Variants in PCLO observed in about 807,000 individuals in gnomAD.
PCLO encodes the protein piccolo presynaptic cytomatrix protein.
A neutral mutation model predicts 427.5 loss-of-function variants in PCLO; 82 were observed. The observed-to-expected ratio is 0.19, with a 90% confidence interval of 0.16 to 0.23. The LOEUF (loss-of-function observed/expected upper bound fraction) is 0.23, where lower values mean the gene tolerates loss of function less well. Ranked by LOEUF, PCLO falls within the 10% of genes least tolerant of loss-of-function variation. The pLI is 1.00. For missense variants in PCLO, 6,239 were observed against 6,115.9 expected, an observed-to-expected ratio of 1.02 and a Z score of -0.67; for synonymous variants, 2,357 against 2,155.4, an observed-to-expected ratio of 1.09 and a Z score of -2.59.
intron 3 of PCLO, among the ~76,000 whole-genome samples, chr7:83,127,094 C>G (rs1057042731): frequency 4.6e-5 from 7 of 151,888 alleles, no homozygotes; most frequent in Non-Finnish European, 8.8e-5. Context: ...TATAAAGTAA[C>G]AAGAGCTAGA....
At chr7:82,760,910 T>C (rs1790417478) in intron 23 of PCLO, 126 bp from the exon 24 acceptor site, 2 of 480,550 alleles carry the variant, frequency 4.2e-6, no homozygotes, top group Non-Finnish European at 7.4e-6. Flanking sequence ...AAACGATTTG[T>C]TTCAGATAAC....
chr7:82,974,257 G>A (rs917839186), intron 3 of PCLO, among the ~76,000 whole-genome samples: 1 of 152,124 alleles, frequency 6.6e-6, no homozygotes, highest in Admixed American at 6.5e-5. Context: ...GTGGTGATGG[G>A]CACCTGTAAT....
chr7:82,890,896 C>T (rs1793747175), intron 9 of PCLO, among the ~76,000 whole-genome samples: 1 of 151,856 alleles, frequency 6.6e-6, no homozygotes, highest in African/African-American at 2.4e-5. Context: ...CCTGTAAGTA[C>T]AAAGAAAATA....
chr7:82,815,249 AATG>A (rs1791654047), intron 20 of PCLO, among the ~76,000 whole-genome samples: 2 of 152,050 alleles, frequency 1.3e-5, no homozygotes, highest in Admixed American at 6.6e-5. Context: ...CGGAGTAAAT[AATG>A]ATAATTGGCA....
intron 3 of PCLO, among the ~76,000 whole-genome samples, chr7:82,977,249 T>C (rs919131112): frequency 6.6e-6 from 1 of 152,026 alleles, no homozygotes; most frequent in Non-Finnish European, 1.5e-5. Context: ...TTCCTTGATA[T>C]GGTTTTAATA....
At chr7:82,763,194 C>T (rs1200758961) in intron 22 of PCLO, among the ~76,000 whole-genome samples, 1 of 151,858 alleles carries the variant, frequency 6.6e-6, no homozygotes, top group South Asian at 2.1e-4. Context: ...CATTTTTTTC[C>T]CTGTAAGAGC....
At chr7:83,021,680 C>T (rs1390718911) in intron 3 of PCLO, among the ~76,000 whole-genome samples, 1 of 152,062 alleles carries the variant, frequency 6.6e-6, no homozygotes, top group African/African-American at 2.4e-5. Flanking sequence ...GCAAGGCCAA[C>T]ATCTATTAAA....
rs1345825692 is a variant in PCLO, at chr7:83,096,939, TTATATATTATATAA to T, written c.3300+37297_3300+37310del. ...AATATATATAATATAATATAATATA[TTATATATTATATAA>T]ATAATATAATATAATATATTATATA... On this transcript the variant is annotated intron_variant, in intron 3 of 24. Transcript: ENST00000333891. Among the ~76,000 whole-genome samples the T allele has an allele frequency of 4.4e-3, 258 of 58,230 alleles. 18 individuals are homozygous for T. The highest frequency in any genetic ancestry group is 6.1e-3 in the East Asian group (8 of 1,314). The allele number at this position is 58,230 out of a possible 152,430, so 38.2% of individuals were successfully genotyped here. A position where few individuals can be genotyped will look rare whatever the true frequency, so the allele number is the denominator to read the frequency against.
intron 22 of PCLO, among the ~76,000 whole-genome samples, chr7:82,770,605 T>C (rs2129467824): frequency 6.6e-6 from 1 of 152,084 alleles, no homozygotes; most frequent in Admixed American, 6.6e-5. Flanking sequence ...GTCAGCTCTC[T>C]ATAATTTGTC....
chr7:82,987,283 C>G (rs1362425404), intron 3 of PCLO, among the ~76,000 whole-genome samples: 1 of 150,502 alleles, frequency 6.6e-6, no homozygotes. Flanking sequence ...AGAAAAAAAT[C>G]CTCTCAGTTT....
chr7:82,856,372 T>C (rs1792806271), intron 10 of PCLO, among the ~76,000 whole-genome samples: 1 of 152,164 alleles, frequency 6.6e-6, no homozygotes, highest in African/African-American at 2.4e-5. Flanking sequence ...TGTTAGAAGA[T>C]TATCATGATA....
chr7:82,790,450 A>G (rs533721887), intron 22 of PCLO, among the ~76,000 whole-genome samples: 10 of 152,180 alleles, frequency 6.6e-5, no homozygotes, highest in Non-Finnish European at 1.5e-4. Flanking sequence ...TTTGACAATG[A>G]TGTTTCCCCA....
At chr7:82,782,704 A>C (rs148124699) in intron 22 of PCLO, among the ~76,000 whole-genome samples, 32 of 152,362 alleles carry the variant, frequency 2.1e-4, no homozygotes, top group African/African-American at 7.5e-4. Flanking sequence ...AATCCATTTC[A>C]GAAATTTACT....
At chr7:82,999,730 AATATAAAATATAATATATAATATTAT>A (rs1368087325) in intron 3 of PCLO, among the ~76,000 whole-genome samples, 1,567 of 15,076 alleles carry the variant, frequency 0.1, 514 homozygotes, top group African/African-American at 0.21. Flanking sequence ...TATAATATTA[AATATAAAATATAATATATAATATTAT>A]ATATAAAATA....
At chr7:83,143,456 T>C (rs112686157) in intron 2 of PCLO, among the ~76,000 whole-genome samples, 614 of 152,318 alleles carry the variant, frequency 4.0e-3, no homozygotes, top group Non-Finnish European at 6.1e-3. Flanking sequence ...ATCTCCTCTC[T>C]GAAATTGCAT....
At chr7:82,871,918 C>A (rs1465631064) in intron 10 of PCLO, among the ~76,000 whole-genome samples, 4 of 151,476 alleles carry the variant, frequency 2.6e-5, no homozygotes, top group Non-Finnish European at 5.9e-5. Flanking sequence ...GAAAAAAAAA[C>A]TAAAATATGA....
intron 3 of PCLO, among the ~76,000 whole-genome samples, chr7:83,130,135 T>C (rs1417821985): frequency 6.7e-6 from 1 of 149,882 alleles, no homozygotes; most frequent in Non-Finnish European, 1.5e-5. Context: ...ATGTTTTTGT[T>C]GTTGTTGTTG....
intron 10 of PCLO, among the ~76,000 whole-genome samples, chr7:82,867,040 T>C (rs974523155): frequency 1.3e-4 from 20 of 152,178 alleles, no homozygotes; most frequent in African/African-American, 4.8e-4. Context: ...CTGTATTTTC[T>C]TTCAATGAAA....
chr7:83,032,468 C>CTCCCTTCCT (rs1205617783), intron 3 of PCLO, among the ~76,000 whole-genome samples: 2 of 148,688 alleles, frequency 1.3e-5, no homozygotes, highest in South Asian at 2.2e-4. Context: ...CCTCCCTTCC[C>CTCCCTTCCT]TCCCTTCCTT....
Sources: allele counts gnomAD v4.1 joint callset (sites outside exome capture counted in the v4.1 genomes callset), GRCh38; gene constraint gnomAD v4.1.1; transcripts MANE v1.5; gene names NCBI Gene and HGNC (gene_info 2026-07-23, HGNC 2026-07-21).